Variants in CDHR3 observed in about 807,000 individuals in gnomAD.
CDHR3 encodes the protein cadherin-related family member 3.
In CDHR3, 79 loss-of-function variants were observed where a neutral mutation model predicts 86.6. The ratio of observed to expected loss-of-function variants is 0.91; its 90% CI spans 0.76 to 1.10. The LOEUF is 1.10. CDHR3 is among the 50% of genes least tolerant of loss of function. The probability of loss-of-function intolerance (pLI) is 0.00; values close to 1 mark genes in which losing one functional copy is unlikely to be tolerated. For missense variants in CDHR3, 1,081 were observed against 1,077.6 expected, an observed-to-expected ratio of 1.00 and a Z score of -0.04; for synonymous variants, 421 against 402.4, an observed-to-expected ratio of 1.05 and a Z score of -0.55.
intron 9 of CDHR3, among the ~76,000 whole-genome samples, chr7:106,013,766 C>A (rs566577496): frequency 2.0e-5 from 3 of 152,216 alleles, no homozygotes; most frequent in African/African-American, 7.2e-5. Context: ...ATTCATAGTA[C>A]CATCTTAAAA....
rs150479848 is a variant in CDHR3 at position 106,017,370 on chromosome 7, G to A, written c.1427-476G>A. On this transcript the variant is annotated intron_variant, in intron 11 of 18. Transcript: ENST00000317716. ...TCAGGAGATCGAAACCAGCCTGGCC[G>A]ACATGGTGAAACCCCATCTCTTCTA... 4.0e-3 allele frequency among the ~76,000 whole-genome samples: 609 copies of A among 152,022 alleles called. 2 individuals carry two copies. The highest frequency in any genetic ancestry group is 0.014 in the African/African-American group (588 of 41,452).
intron 1 of CDHR3, 140 bp from the exon 2 acceptor site, chr7:105,974,704 A>G: frequency 1.5e-6 from 1 of 653,784 alleles, no homozygotes; most frequent in Non-Finnish European, 2.7e-6. Context: ...GCACTTGGCA[A>G]GAGCGTTTGT....
Position 105,984,404 on chromosome 7 carries a change from C to G in CDHR3, c.513+115C>G, listed in dbSNP as rs958200926. On this transcript the variant is annotated intron_variant, in intron 4 of 18. Transcript: ENST00000317716. ...GGGCAGTGGCAGTCAGGGGAATGTGCGTCCACTTCCAAACACAGTGTATGC... is the reference window on the plus strand; with the variant it reads ...GGGCAGTGGCAGTCAGGGGAATGTGGGTCCACTTCCAAACACAGTGTATGC... 4.8e-6 allele frequency: 3 copies of G among 619,002 alleles called. No homozygotes were observed. In the East Asian group the frequency reaches 8.7e-5, roughly 18 times the overall value. 38.3% of individuals were successfully genotyped at this position (619,002 alleles called of 1,614,324 possible).
rs1247267515 is a variant in CDHR3, at chr7:106,004,543, G to T, written c.908G>T (p.Gly303Val). The T allele has an allele frequency of 1.2e-6, 2 of 1,614,044 alleles. No homozygotes were observed. The highest frequency in any genetic ancestry group is 1.7e-6 in the Non-Finnish European group (2 of 1,179,892). ...GCCCAAAGGATAGACCGAGATGCAG[G>T]TGAATTGAGACAAAATCCCACCATT... ...QVAQRIDRDA[G>V]ELRQNPTISL... Residue 303 changes from glycine to valine, a missense_variant, in exon 8 of 19, where the codon GGT becomes GTT. Physicochemically the swap from Gly to Val is moderately radical, Grantham distance 109. Transcript: ENST00000317716.
chr7:105,995,494 C>A (rs947645997), intron 5 of CDHR3, among the ~76,000 whole-genome samples: 1 of 152,122 alleles, frequency 6.6e-6, no homozygotes, highest in African/African-American at 2.4e-5. Context: ...TTGATTTGGG[C>A]AGATGCTGGG....
At position 105,984,248 on chromosome 7, in the gene CDHR3, G is replaced by A. The variant is rs1830206025; in HGVS notation, c.472G>A (p.Ala158Thr). The change falls in exon 4 of 19, where the codon GCC (alanine) becomes ACC (threonine). Residue 158 changes from alanine to threonine, a missense_variant. Physicochemically the swap from Ala to Thr is moderately conservative, Grantham distance 58. Coordinates refer to ENST00000317716, the MANE Select transcript of CDHR3 (RefSeq NM_152750.5). ...CCCTGGATTCATTTACCAGGTTGAG[G>A]CCTTCGATCCAGAAGACACAAGCCG... ...ANPGFIYQVE[A>T]FDPEDTSRNI... 1.2e-6 allele frequency: 2 copies of A among 1,610,710 alleles called. No homozygotes were observed. Among genetic ancestry groups the A allele is most frequent in the Non-Finnish European group, 1.7e-6 (2 of 1,177,902 alleles).
At chr7:105,998,216 C>T (rs1463586539) in intron 6 of CDHR3, among the ~76,000 whole-genome samples, 4 of 152,182 alleles carry the variant, frequency 2.6e-5, no homozygotes, top group Non-Finnish European at 4.4e-5. Context: ...CTAGCACTAA[C>T]GATAACTTCT....
intron 16 of CDHR3, 72 bp from the exon 17 acceptor site, chr7:106,028,479 T>C (rs17152481): frequency 0.012 from 18,305 of 1,527,126 alleles, 147 homozygotes; most frequent in African/African-American, 0.024. Context: ...GGAAATACCG[T>C]TGTGGAGGTG....
chr7:105,991,512 C>A (rs998532635), intron 4 of CDHR3, among the ~76,000 whole-genome samples: 3 of 151,980 alleles, frequency 2.0e-5, no homozygotes, highest in Non-Finnish European at 4.4e-5. Context: ...TTCTTTTTTC[C>A]TTTCTTTCCT....
chr7:106,011,962 C>G (rs1393474904), intron 8 of CDHR3, among the ~76,000 whole-genome samples: 1 of 152,314 alleles, frequency 6.6e-6, no homozygotes, highest in East Asian at 1.9e-4. Flanking sequence ...GCCACTAGAA[C>G]AGAAGTCAAG....
Position 106,035,089 on chromosome 7 carries a change from A to T in CDHR3, c.*2392A>T, listed in dbSNP as rs1050096222. On this transcript the variant is annotated 3_prime_UTR_variant, in exon 19 of 19. Transcript: ENST00000317716. ...GGCAAAACTCTGTGTCAAGAAAAAA[A>T]AAAAAAAAAGAATAATTAAAAGGAG... 6.6e-6 allele frequency among the ~76,000 whole-genome samples: 1 copy of T among 152,046 alleles called. No individual in the cohort carries two copies. Among genetic ancestry groups the T allele is most frequent in the Non-Finnish European group, 1.5e-5 (1 of 68,002 alleles).
intron 15 of CDHR3, among the ~76,000 whole-genome samples, chr7:106,026,233 C>G (rs1373091944): frequency 2.6e-5 from 4 of 152,162 alleles, no homozygotes; most frequent in East Asian, 1.9e-4. Flanking sequence ...CTCGTAGGGT[C>G]TGAGTCCAGC....
chr7:105,971,493 C>T (rs1409982988), intron 1 of CDHR3, among the ~76,000 whole-genome samples: 1 of 152,162 alleles, frequency 6.6e-6, no homozygotes, highest in Non-Finnish European at 1.5e-5. Context: ...ATAAAAAACA[C>T]TCTGATTTAA....
intron 7 of CDHR3, among the ~76,000 whole-genome samples, chr7:106,003,841 GGGAC>G (rs1833548891): frequency 6.6e-6 from 1 of 151,988 alleles, no homozygotes; most frequent in Non-Finnish European, 1.5e-5. Context: ...TGATAGTGTA[GGGAC>G]AACCATGGTT....
chr7:105,970,239 G>C (rs1827739842), intron 1 of CDHR3, among the ~76,000 whole-genome samples: 1 of 152,032 alleles, frequency 6.6e-6, no homozygotes, highest in African/African-American at 2.4e-5. Flanking sequence ...GGTCCAGGGT[G>C]GCCAACTTCC....
chr7:106,006,684 T>C (rs1385726415), intron 8 of CDHR3, among the ~76,000 whole-genome samples: 1 of 152,208 alleles, frequency 6.6e-6, no homozygotes, highest in Non-Finnish European at 1.5e-5. Context: ...GGCAGCTCCA[T>C]TCCTGTGGCT....
chr7:105,967,525 G>T (rs377530383), intron 1 of CDHR3, among the ~76,000 whole-genome samples: 1 of 152,262 alleles, frequency 6.6e-6, no homozygotes, highest in African/African-American at 2.4e-5. Flanking sequence ...TTGAGGAATC[G>T]CCACACTGAC....
At chr7:105,986,921 T>C (rs1282709489) in intron 4 of CDHR3, among the ~76,000 whole-genome samples, 1 of 152,240 alleles carries the variant, frequency 6.6e-6, no homozygotes, top group Non-Finnish European at 1.5e-5. Context: ...CGTGTTCTGA[T>C]TTCTGATACA....
intron 8 of CDHR3, among the ~76,000 whole-genome samples, chr7:106,010,188 G>A (rs1463054911): frequency 6.6e-6 from 1 of 152,180 alleles, no homozygotes; most frequent in Non-Finnish European, 1.5e-5. Flanking sequence ...CCATCTGTGA[G>A]CCTGGATACT....
Sources: gnomAD v4.1 joint callset for allele counts (sites outside exome capture counted in the v4.1 genomes callset) on GRCh38, gnomAD v4.1.1 for gene constraint, MANE v1.5 for transcripts, NCBI Gene and HGNC (gene_info 2026-07-23, HGNC 2026-07-21) for gene names.